The following CILP2 variants were observed in gnomAD, a reference collection of about 807,000 sequenced individuals.
CILP2 encodes the protein cartilage intermediate layer protein 2, also known as CILP-2.
A neutral mutation model predicts 45.6 loss-of-function variants in CILP2; 38 were observed. The observed-to-expected ratio is 0.83, with a 90% CI of 0.64 to 1.09. The LOEUF is 1.09. CILP2 is among the 50% of genes least tolerant of loss of function. The pLI is 0.00. For synonymous variants in CILP2, 780 were observed against 723.5 expected, an observed-to-expected ratio of 1.08 and a Z score of -1.25; for missense variants, 1,735 against 1,662.2, an observed-to-expected ratio of 1.04 and a Z score of -0.76.
At chr19:19,542,341 TTC>T (rs1568369264) in intron 4 of CILP2, 32 bp from the exon 5 acceptor site, 17 of 1,582,688 alleles carry the variant, frequency 1.1e-5, no homozygotes, top group Non-Finnish European at 1.5e-5. Flanking sequence ...GTGTGAAGGT[TTC>T]TCTGTCCTGC....
rs759870551 is a variant in CILP2 at position 19,544,658 on chromosome 19, C to T, written c.2113C>T (p.Pro705Ser). The change falls in exon 8 of 8, where the codon CCC (proline) becomes TCC (serine). Residue 705 changes from proline (P) to serine (S), a missense_variant. Transcript: ENST00000291495. ...SGFRREGSSGPRVRREERVFL... is the reference protein window; with the variant it reads ...SGFRREGSSGSRVRREERVFL... ...CTTCCGGCGCGAGGGGTCCTCGGGCCCCCGGGTGCGCCGGGAGGAGCGCGT... is the reference window on the plus strand; with the variant it reads ...CTTCCGGCGCGAGGGGTCCTCGGGCTCCCGGGTGCGCCGGGAGGAGCGCGT... 9.6e-6 allele frequency: 15 copies of T among 1,555,200 alleles called. No homozygotes were observed. The highest frequency in any genetic ancestry group is 1.2e-5 in the Non-Finnish European group (14 of 1,158,752).
Position 19,545,422 on chromosome 19 carries a change from G to A in CILP2, c.2877G>A (p.Gly959=), listed in dbSNP as rs1302861636. 25 of 1,612,508 alleles carry A rather than the reference G, an allele frequency of 1.6e-5. No individual in the cohort carries two copies. The highest frequency in any genetic ancestry group is 2.1e-5 in the Non-Finnish European group (25 of 1,179,822). Residue 959 remains glycine (G), a synonymous_variant, in exon 8 of 8, where the codon GGG becomes GGA. Coordinates refer to ENST00000291495, the MANE Select transcript of CILP2 (RefSeq NM_153221.2). ...ATATGGTCCGCTCCCACAACGCAGGGGGCAGCCACCCACGCACCCGCGGCC... is the reference window on the plus strand; with the variant it reads ...ATATGGTCCGCTCCCACAACGCAGGAGGCAGCCACCCACGCACCCGCGGCC... The part of the protein sequence containing the change: ...QEYMVRSHNA[G]GSHPRTRGQL...
At chr19:19,543,644 C>T in intron 7 of CILP2, 37 bp from the exon 8 acceptor site, 3 of 1,550,640 alleles carry the variant, frequency 1.9e-6, no homozygotes, top group Non-Finnish European at 2.6e-6. Flanking sequence ...TGAAGTCCTC[C>T]TCCCTGCCCT....
intron 5 of CILP2, 38 bp from the exon 6 acceptor site, chr19:19,542,826 G>A (rs752752595): frequency 1.3e-6 from 2 of 1,577,872 alleles, no homozygotes; most frequent in South Asian, 2.2e-5. Context: ...GGAAGGGTGG[G>A]TGGGAGAAGC....
At position 19,538,371 on chromosome 19, in the gene CILP2, C is replaced by G; in HGVS notation, c.22C>G (p.Leu8Val). 1 of 1,581,430 alleles carries G rather than the reference C, an allele frequency of 6.3e-7. No homozygotes were observed. The highest frequency in any genetic ancestry group is 8.5e-7 in the Non-Finnish European group (1 of 1,171,846). The change falls in exon 1 of 8, where the codon CTC (leucine) becomes GTC (valine). Residue 8 changes from leucine to valine, a missense_variant. Transcript: ENST00000291495. The part of the protein sequence containing the change: MASLLPL[L>V]CLCVVAAHLA... ...GGCCATGGCGTCGCTGCTGCCACTG[C>G]TCTGTCTCTGTGTCGTCGCTGCGCA...
rs371092850 is a variant in CILP2, at chr19:19,545,553, G to A, written c.3008G>A (p.Arg1003Gln). ...FKCSGMLFDQ[R>Q]QVDRTLVTIM... ...TGCAGCGGGATGCTGTTCGACCAGC[G>A]GCAGGTGGACAGGACGCTGGTGACC... The change falls in exon 8 of 8, where the codon CGG becomes CAG. Residue 1003 changes from arginine (R) to glutamine (Q), a missense_variant. Coordinates refer to ENST00000291495, the MANE Select transcript of CILP2 (RefSeq NM_153221.2). 2.5e-6 allele frequency: 4 copies of A among 1,611,978 alleles called. No homozygotes were observed. The highest frequency in any genetic ancestry group is 4.5e-5 in the East Asian group (2 of 44,862).
In CILP2 at chr19:19,545,869, G is replaced by A. The variant is rs539663279; in HGVS notation, c.3324G>A (p.Pro1108=). Residue 1108 remains proline, a synonymous_variant, in exon 8 of 8, where the codon CCG becomes CCA. Coordinates refer to ENST00000291495, the MANE Select transcript of CILP2 (RefSeq NM_153221.2). ...TAVTFQCREP[P]AGRPSLFQRL... is the part of the protein sequence containing the mutation. ...TCACCTTCCAGTGCCGGGAGCCACC[G>A]GCCGGACGACCCAGCCTCTTCCAGA... The A allele has an allele frequency of 9.4e-6, 15 of 1,587,712 alleles. No individual in the cohort carries two copies. In the East Asian group the frequency reaches 1.4e-4, roughly 14 times the overall value.
chr19:19,541,373 T>C (rs746202459), intron 4 of CILP2, 127 bp downstream of exon 4: 5 of 863,730 alleles, frequency 5.8e-6, no homozygotes, highest in Admixed American at 4.4e-5. Flanking sequence ...GTGCTTCTCC[T>C]GAGCGATGCC....
rs771659906 is a variant in CILP2 at position 19,545,804 on chromosome 19, G to C, written c.3259G>C (p.Gly1087Arg). 4.4e-6 allele frequency: 7 copies of C among 1,593,910 alleles called. No individual in the cohort carries two copies. Among genetic ancestry groups the C allele is most frequent in the African/African-American group, 2.7e-5 (2 of 74,378 alleles). ...CCGCTGCTTTGATGGTTCCTCTGAC[G>C]GCTTCTCCAGAGAGATGAAGGCTGA... ...IGRCFDGSSD[G>R]FSREMKADAG... Residue 1087 changes from glycine to arginine, a missense_variant, in exon 8 of 8, where the codon GGC becomes CGC. By Grantham distance (125) the Gly-to-Arg change is moderately radical. Transcript: ENST00000291495.
Position 19,540,387 on chromosome 19 carries a change from A to T in CILP2, c.347A>T (p.Asn116Ile), listed in dbSNP as rs1158925966. 1.6e-5 allele frequency: 25 copies of T among 1,524,574 alleles called. No individual in the cohort carries two copies. The highest frequency in any genetic ancestry group is 2.1e-5 in the Non-Finnish European group (24 of 1,140,176). The allele number at this position is 1,524,574 out of a possible 1,614,324, so 94.4% of individuals were successfully genotyped here. A position where few individuals can be genotyped will look rare whatever the true frequency, so the allele number is the denominator to read the frequency against. ...GCCGTCGGCGAGCGCGTGCACTTGA[A>T]CCCCACGCGCGGCTTCTGGTGCCTC... is the stretch of plus-strand genomic sequence containing the variant. ...PSAVGERVHL[N>I]PTRGFWCLNR... Residue 116 changes from asparagine to isoleucine, a missense_variant, in exon 3 of 8, where the codon AAC becomes ATC. Coordinates refer to ENST00000291495, the MANE Select transcript of CILP2 (RefSeq NM_153221.2).
rs866357495 is a variant in CILP2 at position 19,545,013 on chromosome 19, C to G, written c.2468C>G (p.Ser823Cys). Residue 823 changes from serine to cysteine, a missense_variant, in exon 8 of 8, where the codon TCC becomes TGC. Physicochemically the swap from Ser to Cys is moderately radical, Grantham distance 112. Transcript: ENST00000291495. ...LGGEELEPAP[S>C]LPRPLPATVG... Reference sequence around the variant, plus strand: ...GGCGAGGAGCTGGAGCCGGCCCCTTCCTTGCCCCGCCCACTCCCGGCCACC... The same window carrying G: ...GGCGAGGAGCTGGAGCCGGCCCCTTGCTTGCCCCGCCCACTCCCGGCCACC... The G allele has an allele frequency of 6.2e-7, 1 of 1,604,412 alleles. No homozygotes were observed. Among genetic ancestry groups the G allele is most frequent in the Admixed American group, 1.7e-5 (1 of 59,790 alleles).
chr19:19,544,594 G>A lies in CILP2; in HGVS notation c.2049G>A (p.Ser683=), dbSNP rs761162568. 15 of 1,577,028 alleles carry A rather than the reference G, an allele frequency of 9.5e-6. No individual in the cohort carries two copies. The South Asian group carries it at 1.5e-4, about 15-fold the overall frequency. Residue 683 remains serine, a synonymous_variant, in exon 8 of 8, where the codon TCG becomes TCA. Transcript: ENST00000291495. ...ACGTGGAGGCCCTCAAGCTGTGGTC[G>A]CTGAACCCCGAGACCGGCTTGTGGG... ...PGHVEALKLW[S]LNPETGLWEE... is the part of the protein sequence containing the mutation.
In CILP2 at chr19:19,541,180, C is replaced by G. The variant is rs2061242084; in HGVS notation, c.526C>G (p.Pro176Ala). The G allele has an allele frequency of 2.4e-6, 3 of 1,267,400 alleles. No homozygotes were observed. The highest frequency in any genetic ancestry group is 3.7e-5 in the Admixed American group (1 of 27,278). The allele number at this position is 1,267,400 out of a possible 1,614,324, so 78.5% of individuals were successfully genotyped here. A position where few individuals can be genotyped will look rare whatever the true frequency, so the allele number is the denominator to read the frequency against. Residue 176 changes from proline (P) to alanine (A), a missense_variant, in exon 4 of 8, where the codon CCC (proline) becomes GCC (alanine). Coordinates refer to ENST00000291495, the MANE Select transcript of CILP2 (RefSeq NM_153221.2). ...CTTGCGCCGCCGCCACTGCCCAAGC[C>G]CCGCTGGGGATGCGTGTCCCGGGCG... ...RRLRRRHCPS[P>A]AGDACPGRPL...
At position 19,545,909 on chromosome 19, in the gene CILP2, C is replaced by A; in HGVS notation, c.3364C>A (p.Pro1122Thr). 1 of 1,581,494 alleles carries A rather than the reference C, an allele frequency of 6.3e-7. No individual in the cohort carries two copies. ...CCTCTTCCAGAGGCTGCTGGAGTCC[C>A]CGGCGACAGCACTTGGTGACATCCG... The part of the protein sequence containing the change: ...PSLFQRLLES[P>T]ATALGDIRRE... Residue 1122 changes from proline to threonine, a missense_variant, in exon 8 of 8, where the codon CCG becomes ACG. By Grantham distance (38) the Pro-to-Thr change is conservative. Transcript: ENST00000291495.
Position 19,538,391 on chromosome 19 carries a change from T to G in CILP2, c.42T>G (p.Ala14=). 1 of 1,565,668 alleles carries G rather than the reference T, an allele frequency of 6.4e-7. No homozygotes were observed. Among genetic ancestry groups the G allele is most frequent in the Non-Finnish European group, 8.6e-7 (1 of 1,164,054 alleles). Residue 14 remains alanine (A), a synonymous_variant, in exon 1 of 8, where the codon GCT becomes GCG. Transcript: ENST00000291495. ...LLPLLCLCVV[A]AHLAGARDAT... is the part of the protein sequence containing the mutation. Reference sequence around the variant, plus strand: ...CACTGCTCTGTCTCTGTGTCGTCGCTGCGCACCTGGCGGGGGCCCGAGGTG... The same window carrying G: ...CACTGCTCTGTCTCTGTGTCGTCGCGGCGCACCTGGCGGGGGCCCGAGGTG...
Position 19,542,391 on chromosome 19 carries a change from C to G in CILP2, c.609C>G (p.Thr203=). Residue 203 remains threonine, a synonymous_variant, in exon 5 of 8, where the codon ACC becomes ACG. Transcript: ENST00000291495. The part of the protein sequence containing the change: ...RPRCPGCSLD[T]CECPDHILLG... Reference sequence around the variant, plus strand: ...TCCCCCCAGGGTGCAGCCTTGACACCTGTGAATGCCCGGACCACATCCTCC... The same window carrying G: ...TCCCCCCAGGGTGCAGCCTTGACACGTGTGAATGCCCGGACCACATCCTCC... The G allele has an allele frequency of 6.2e-7, 1 of 1,611,840 alleles. No individual in the cohort carries two copies.
rs925616225 is a variant in CILP2, at chr19:19,545,194, C to A, written c.2649C>A (p.Ser883Arg). ...EANGPVYPWRSLRECQGAPVT... is the reference protein window; with the variant it reads ...EANGPVYPWRRLRECQGAPVT... ...ATGGGCCTGTGTACCCGTGGCGCAG[C>A]CTGCGGGAATGCCAGGGGGCCCCGG... Residue 883 changes from serine (S) to arginine (R), a missense_variant, in exon 8 of 8, where the codon AGC becomes AGA. Coordinates refer to ENST00000291495, the MANE Select transcript of CILP2 (RefSeq NM_153221.2). 5.0e-6 allele frequency: 8 copies of A among 1,612,544 alleles called. No homozygotes were observed. The highest frequency in any genetic ancestry group is 1.7e-5 in the Admixed American group (1 of 59,990).
chr19:19,543,677 C>T lies in CILP2; in HGVS notation c.1136-4C>T, dbSNP rs750994887. The T allele has an allele frequency of 3.1e-5, 49 of 1,584,738 alleles. No individual in the cohort carries two copies. Among genetic ancestry groups the T allele is most frequent in the Non-Finnish European group, 4.2e-5 (49 of 1,163,206 alleles). ...CCTGACCTGCATGTTTTCTTTGTCC[C>T]CAGCCCCAGGCCAGCCAGCCTGCGA... On this transcript the variant is annotated splice_region_variant and splice_polypyrimidine_tract_variant and intron_variant, in intron 7 of 7. Coordinates refer to ENST00000291495, the MANE Select transcript of CILP2 (RefSeq NM_153221.2).
intron 7 of CILP2, 131 bp downstream of exon 7, chr19:19,543,536 C>A: frequency 7.4e-7 from 1 of 1,349,512 alleles, no homozygotes; most frequent in Non-Finnish European, 1.0e-6. Context: ...AGCCCCCATA[C>A]CACTCTGAGC....
Sources: allele counts gnomAD v4.1 joint callset, GRCh38; gene constraint gnomAD v4.1.1; transcripts MANE v1.5; gene names NCBI Gene and HGNC (gene_info 2026-07-23, HGNC 2026-07-21).